The following GPC6 variants were observed in gnomAD, a reference collection of about 807,000 sequenced individuals.
GPC6 encodes glypican-6.
GPC6 carries 14 observed loss-of-function variants against 55.2 expected under a neutral mutation model. That is an observed-to-expected ratio of 0.25 (90% confidence interval 0.17 to 0.40). The LOEUF (loss-of-function observed/expected upper bound fraction) is 0.40, where lower values mean the gene tolerates loss of function less well. Ranked by LOEUF, GPC6 falls within the 10% of genes least tolerant of loss-of-function variation. The pLI, the probability that GPC6 is intolerant of heterozygous loss-of-function variation, is 1.00. For synonymous variants in GPC6, 278 were observed against 259.6 expected (o/e 1.07, Z -0.68); for missense variants, 641 against 708.5 (o/e 0.90, Z 1.08).
chr13:93,278,032 C>T (rs775234135), intron 1 of GPC6, among the ~76,000 whole-genome samples: 11 of 152,002 alleles, frequency 7.2e-5, no homozygotes, highest in Non-Finnish European at 1.3e-4. Context: ...TATATTGATA[C>T]TGTAATAATA....
rs555928826 is a variant in GPC6, at chr13:93,879,408, C to A, written c.711+48863C>A. On this transcript the variant is annotated intron_variant, in intron 3 of 8. Coordinates refer to ENST00000377047, the MANE Select transcript of GPC6 (RefSeq NM_005708.5). ...AGAACAGAGCCCTCAGAAATAATGC[C>A]CCATATCTACAACTATCTGATCTTT... 1.4e-4 allele frequency among the ~76,000 whole-genome samples: 22 copies of A among 152,112 alleles called. No individual in the cohort carries two copies. In the East Asian group the frequency reaches 4.1e-3, roughly 28 times the overall value.
chr13:93,239,087 G>A (rs1400481504), intron 1 of GPC6, among the ~76,000 whole-genome samples: 2 of 151,958 alleles, frequency 1.3e-5, no homozygotes, highest in Admixed American at 6.6e-5. Flanking sequence ...GGGTATCAGG[G>A]TGATACTGGC....
intron 3 of GPC6, among the ~76,000 whole-genome samples, chr13:93,900,559 C>T (rs1178155700): frequency 3.3e-5 from 5 of 152,224 alleles, no homozygotes; most frequent in African/African-American, 1.2e-4. Flanking sequence ...AAAAATAGAA[C>T]GCTGATGAAT....
At chr13:93,345,676 A>C (rs749039426) in intron 1 of GPC6, among the ~76,000 whole-genome samples, 24 of 152,196 alleles carry the variant, frequency 1.6e-4, no homozygotes, top group Non-Finnish European at 2.9e-4. Context: ...TGCATAATGC[A>C]TGCAATAGGG....
At chr13:93,988,454 A>G (rs1256955958) in intron 3 of GPC6, among the ~76,000 whole-genome samples, 1 of 152,200 alleles carries the variant, frequency 6.6e-6, no homozygotes, top group African/African-American at 2.4e-5. Flanking sequence ...TACTTAATGC[A>G]TTACGTTAAA....
chr13:94,143,515 T>C (rs1887455882), intron 4 of GPC6, among the ~76,000 whole-genome samples: 1 of 152,192 alleles, frequency 6.6e-6, no homozygotes, highest in Non-Finnish European at 1.5e-5. Flanking sequence ...AGATACCTGA[T>C]TATTAACTTT....
At chr13:93,707,006 C>CA (rs1226545260) in intron 2 of GPC6, among the ~76,000 whole-genome samples, 1 of 151,744 alleles carries the variant, frequency 6.6e-6, no homozygotes, top group Non-Finnish European at 1.5e-5. Flanking sequence ...AGGATGTGAC[C>CA]AGGAGCTATA....
chr13:93,805,100 A>G (rs977910247), intron 2 of GPC6, among the ~76,000 whole-genome samples: 3 of 152,248 alleles, frequency 2.0e-5, no homozygotes, highest in Admixed American at 2.0e-4. Flanking sequence ...AAATTGAACC[A>G]GGATAACAAA....
intron 1 of GPC6, among the ~76,000 whole-genome samples, chr13:93,482,983 C>A (rs184698304): frequency 1.3e-5 from 2 of 152,174 alleles, no homozygotes; most frequent in East Asian, 3.9e-4. Context: ...CCTTAGGAGA[C>A]CGTAAATGTG....
At chr13:93,584,301 A>G (rs543028812) in intron 2 of GPC6, among the ~76,000 whole-genome samples, 70 of 152,276 alleles carry the variant, frequency 4.6e-4, no homozygotes, top group Non-Finnish European at 9.3e-4. Context: ...ATGCTACTCT[A>G]TATTGTAAAA....
At chr13:93,273,839 C>T (rs978991589) in intron 1 of GPC6, among the ~76,000 whole-genome samples, 1 of 151,678 alleles carries the variant, frequency 6.6e-6, no homozygotes, top group African/African-American at 2.4e-5. Context: ...GACAGAGTCT[C>T]ACTCTGTTGC....
intron 1 of GPC6, among the ~76,000 whole-genome samples, chr13:93,537,738 C>A (rs995981107): frequency 6.6e-6 from 1 of 152,086 alleles, no homozygotes; most frequent in African/African-American, 2.4e-5. Context: ...TATCTCCTAG[C>A]CTGTTACCAT....
intron 4 of GPC6, among the ~76,000 whole-genome samples, chr13:94,263,429 G>A (rs1466635304): frequency 6.6e-6 from 1 of 152,182 alleles, no homozygotes; most frequent in Non-Finnish European, 1.5e-5. Context: ...AAAAGGAATG[G>A]TGACAGAAAC....
intron 7 of GPC6, among the ~76,000 whole-genome samples, chr13:94,395,770 G>A (rs139911100): frequency 2.2e-4 from 33 of 152,350 alleles, no homozygotes; most frequent in African/African-American, 7.5e-4. Flanking sequence ...AGTAGAGCAA[G>A]TAAAAGAATA....
intron 2 of GPC6, among the ~76,000 whole-genome samples, chr13:93,550,823 ATTCATT>A (rs1875118180): frequency 6.6e-6 from 1 of 152,156 alleles, no homozygotes; most frequent in Non-Finnish European, 1.5e-5. Context: ...ATTTGAAAAC[ATTCATT>A]TAGAGCCTAC....
chr13:93,702,381 GT>G (rs1018499438), intron 2 of GPC6, among the ~76,000 whole-genome samples: 1 of 151,912 alleles, frequency 6.6e-6, no homozygotes, highest in South Asian at 2.1e-4. Flanking sequence ...TCTGAGCTTT[GT>G]TTTTTTGTTT....
chr13:94,096,712 C>T (rs1885669728), intron 4 of GPC6, among the ~76,000 whole-genome samples: 1 of 147,740 alleles, frequency 6.8e-6, no homozygotes, highest in African/African-American at 2.4e-5. Context: ...TGGGAATTAG[C>T]CATGTCTCTA....
chr13:94,362,692 T>TTTGA (rs1231547057), intron 6 of GPC6, among the ~76,000 whole-genome samples: 1 of 152,190 alleles, frequency 6.6e-6, no homozygotes, highest in Non-Finnish European at 1.5e-5. Flanking sequence ...TGTTCGACTT[T>TTTGA]TTGATAGCCT....
chr13:94,263,773 C>T (rs973489140), intron 4 of GPC6, among the ~76,000 whole-genome samples: 1 of 152,068 alleles, frequency 6.6e-6, no homozygotes, highest in African/African-American at 2.4e-5. Context: ...AGTATTGAAC[C>T]TGTCTAAGAA....
Sources: gnomAD v4.1 joint callset for allele counts (sites outside exome capture counted in the v4.1 genomes callset) on GRCh38, gnomAD v4.1.1 for gene constraint, MANE v1.5 for transcripts, NCBI Gene and HGNC (gene_info 2026-07-23, HGNC 2026-07-21) for gene names.